The following ADCY9 variants were observed in gnomAD, a reference collection of about 807,000 sequenced individuals.
ADCY9 encodes adenylate cyclase type 9.
A neutral mutation model predicts 101.5 loss-of-function variants in ADCY9; 50 were observed. That is an observed-to-expected ratio of 0.49 (90% CI 0.39 to 0.62). The LOEUF is 0.62. Among genes scored for constraint, ADCY9 ranks in the 20% least tolerant of loss-of-function variants. The probability of loss-of-function intolerance (pLI) is 0.00; values close to 1 mark genes in which losing one functional copy is unlikely to be tolerated. For missense variants in ADCY9, 1,662 were observed against 1,800.4 expected (o/e 0.92, Z 1.39); for synonymous variants, 905 against 769.3 (o/e 1.18, Z -2.92).
intron 2 of ADCY9, among the ~76,000 whole-genome samples, chr16:4,020,704 T>C (rs1186889247): frequency 4.0e-5 from 6 of 151,856 alleles, no homozygotes; most frequent in Admixed American, 3.9e-4. Flanking sequence ...CACACGTCTG[T>C]AGTCCCAGCT....
chr16:4,044,545 T>C (rs1163213392), intron 2 of ADCY9, among the ~76,000 whole-genome samples: 1 of 152,154 alleles, frequency 6.6e-6, no homozygotes, highest in African/African-American at 2.4e-5. Flanking sequence ...TATAAACCTA[T>C]GGAATCAAAT....
chr16:3,969,589 T>C (rs1369473357), intron 10 of ADCY9, among the ~76,000 whole-genome samples: 3 of 87,682 alleles, frequency 3.4e-5, no homozygotes, highest in African/African-American at 5.5e-5. Flanking sequence ...TATATATATA[T>C]ATATATATAT....
rs768954951 is a variant in ADCY9 at position 3,992,136 on chromosome 16, C to G, written c.2207+10G>C. 16 of 1,613,264 alleles carry G rather than the reference C, an allele frequency of 9.9e-6. No homozygotes were observed. Among genetic ancestry groups the G allele is most frequent in the Admixed American group, 1.7e-5 (1 of 59,982 alleles). ...AACCTTTGCTTTTTCCCAGACAGCC[C>G]CAGTCGTACCTGTCTTCTTTGATAA... On this transcript the variant is annotated intron_variant, in intron 5 of 10. Coordinates refer to ENST00000294016, the MANE Select transcript of ADCY9 (RefSeq NM_001116.4). This position sits in a 1 kb window ranked among gnomAD's most constrained non-coding sequence, Gnocchi z 4.2.
intron 2 of ADCY9, among the ~76,000 whole-genome samples, chr16:4,077,049 C>A (rs1250170759): frequency 6.7e-6 from 1 of 149,788 alleles, no homozygotes; most frequent in Non-Finnish European, 1.5e-5. Flanking sequence ...TGCATTCCAG[C>A]CTGGGGGACA....
chr16:4,114,570 G>C lies in ADCY9; in HGVS notation c.873C>G (p.Ile291Met). Residue 291 changes from isoleucine to methionine, a missense_variant, in exon 2 of 11, where the codon ATC becomes ATG. Physicochemically the swap from Ile to Met is conservative, Grantham distance 10. Transcript: ENST00000294016. This position sits in a 1 kb window ranked among gnomAD's most constrained non-coding sequence, Gnocchi z 4.3. ...CGAACAGGTGGACCCCGATGGCGTG[G>C]ATGCAGCCGTGGAGCAGCCCCCTGC... ...LLSRGLLHGC[I>M]HAIGVHLFVM... is the part of the protein sequence containing the mutation. 3.7e-6 allele frequency: 6 copies of C among 1,614,030 alleles called. No homozygotes were observed. Among genetic ancestry groups the C allele is most frequent in the Non-Finnish European group, 5.1e-6 (6 of 1,180,042 alleles).
chr16:4,027,439 T>C (rs1339076261), intron 2 of ADCY9, among the ~76,000 whole-genome samples: 1 of 152,108 alleles, frequency 6.6e-6, no homozygotes, highest in Non-Finnish European at 1.5e-5. Flanking sequence ...ACTGGGTAAT[T>C]ACGAAGGAAA....
chr16:4,111,337 G>C (rs1040590771), intron 2 of ADCY9, among the ~76,000 whole-genome samples: 2 of 152,162 alleles, frequency 1.3e-5, no homozygotes, highest in African/African-American at 4.8e-5. Flanking sequence ...AGGCTGGTGT[G>C]CAGTGGCGCA....
intron 2 of ADCY9, among the ~76,000 whole-genome samples, chr16:4,060,851 C>T (rs2056769839): frequency 6.6e-6 from 1 of 152,074 alleles, no homozygotes; most frequent in South Asian, 2.1e-4. Context: ...GAATTATACT[C>T]AGGCAAGAGT....
intron 3 of ADCY9, among the ~76,000 whole-genome samples, chr16:3,995,897 C>G (rs142280459): frequency 6.6e-6 from 1 of 152,240 alleles, no homozygotes; most frequent in Non-Finnish European, 1.5e-5. Context: ...GCCAAAACAG[C>G]TAGCGAAATC....
rs2055986442 is a variant in ADCY9, at chr16:3,965,821, T to A, written c.4016A>T (p.Glu1339Val). 4 of 1,613,972 alleles carry A rather than the reference T, an allele frequency of 2.5e-6. No individual in the cohort carries two copies. Among genetic ancestry groups the A allele is most frequent in the African/African-American group, 2.7e-5 (2 of 74,910 alleles). Residue 1339 changes from glutamate (E) to valine (V), a missense_variant, in exon 11 of 11, where the codon GAA (glutamate) becomes GTA (valine). Transcript: ENST00000294016. ...EKDDCDETGI[E>V]EANELTKLNV... Reference sequence around the variant, plus strand: ...GAGCTTGGTGAGTTCGTTGGCTTCTTCTATTCCTGTTTCGTCACAGTCGTC... The same window carrying A: ...GAGCTTGGTGAGTTCGTTGGCTTCTACTATTCCTGTTTCGTCACAGTCGTC...
At chr16:4,016,968 A>G (rs116556714) in intron 2 of ADCY9, among the ~76,000 whole-genome samples, 1 of 152,328 alleles carries the variant, frequency 6.6e-6, no homozygotes, top group African/African-American at 2.4e-5. Flanking sequence ...GAATTGCATC[A>G]TATGTGAATT....
chr16:4,075,085 G>A (rs2056858716), intron 2 of ADCY9, among the ~76,000 whole-genome samples: 1 of 152,170 alleles, frequency 6.6e-6, no homozygotes, highest in African/African-American at 2.4e-5. Flanking sequence ...GCTGAGGTAG[G>A]AGGATCACTT....
chr16:3,962,001 G>A (rs1433079265), downstream of ADCY9, among the ~76,000 whole-genome samples: 8 of 151,878 alleles, frequency 5.3e-5, 1 homozygote, highest in Admixed American at 5.3e-4. Context: ...ACTCCAGCCT[G>A]GGTGACAGAG....
intron 5 of ADCY9, among the ~76,000 whole-genome samples, chr16:3,956,767 C>T (rs571933121): frequency 4.0e-5 from 6 of 151,452 alleles, no homozygotes; most frequent in South Asian, 2.1e-4. Context: ...AGTGCTGAGA[C>T]TACAGGCGTG....
rs2057153059 is a variant in ADCY9, at chr16:4,116,430, GC to G, written c.-785del. ...CGCCACCATCTCCGGCCCCTGCCCCGCCCGCTGTCACTGACAGACGCGCGCC... is the reference window on the plus strand; with the variant it reads ...CGCCACCATCTCCGGCCCCTGCCCCGCCGCTGTCACTGACAGACGCGCGCC... On this transcript the variant is annotated 5_prime_UTR_variant, in exon 1 of 11. Coordinates refer to ENST00000294016, the MANE Select transcript of ADCY9 (RefSeq NM_001116.4). Among the ~76,000 whole-genome samples, 1 of 145,828 alleles carries G rather than the reference GC, an allele frequency of 6.9e-6. No individual in the cohort carries two copies. The highest frequency in any genetic ancestry group is 2.5e-5 in the African/African-American group (1 of 40,770).
chr16:4,070,190 G>A (rs893855443), intron 2 of ADCY9, among the ~76,000 whole-genome samples: 1 of 151,906 alleles, frequency 6.6e-6, no homozygotes, highest in Non-Finnish European at 1.5e-5. Flanking sequence ...TACTAGTAAG[G>A]ACATACATTT....
At chr16:4,003,671 C>T (rs904386362) in intron 3 of ADCY9, among the ~76,000 whole-genome samples, 16 of 150,074 alleles carry the variant, frequency 1.1e-4, no homozygotes, top group African/African-American at 3.7e-4. Context: ...CTCAAGCGAT[C>T]TTCCTGCCTC....
intron 2 of ADCY9, among the ~76,000 whole-genome samples, chr16:4,011,790 C>T (rs1037442004): frequency 2.6e-5 from 4 of 152,070 alleles, no homozygotes; most frequent in African/African-American, 9.7e-5. Flanking sequence ...GCTGTTTCAT[C>T]GCTGCCTCTC....
intron 2 of ADCY9, among the ~76,000 whole-genome samples, chr16:4,106,349 G>A (rs1459105350): frequency 6.6e-6 from 1 of 152,102 alleles, no homozygotes; most frequent in Non-Finnish European, 1.5e-5. Context: ...CCCACACCAC[G>A]GATGGCGGCC....
Sources: allele counts gnomAD v4.1 joint callset (sites outside exome capture counted in the v4.1 genomes callset), GRCh38; gene constraint gnomAD v4.1.1; non-coding constraint Gnocchi (gnomAD v3.1); transcripts MANE v1.5; gene names NCBI Gene and HGNC (gene_info 2026-07-23, HGNC 2026-07-21).